NME8: variants seen among roughly 807,000 people sequenced by gnomAD.
NME8 encodes NME/NM23 family member 8.
In NME8, 72 loss-of-function variants were observed where a neutral mutation model predicts 82.3. That is an observed-to-expected ratio of 0.87 (90% CI 0.72 to 1.06). The LOEUF (loss-of-function observed/expected upper bound fraction) is 1.06, where lower values mean the gene tolerates loss of function less well. Ranked by LOEUF, NME8 falls within the 50% of genes least tolerant of loss-of-function variation. NME8 has a pLI of 0.00. For missense variants in NME8, 712 were observed against 685.4 expected, an observed-to-expected ratio of 1.04 and a Z score of -0.43; for synonymous variants, 267 against 228.5, an observed-to-expected ratio of 1.17 and a Z score of -1.52.
Position 37,863,412 on chromosome 7 carries a change from T to C in NME8, c.404T>C (p.Leu135Ser), listed in dbSNP as rs1162458243. 6.3e-7 allele frequency: 1 copy of C among 1,589,042 alleles called. No individual in the cohort carries two copies. The highest frequency in any genetic ancestry group is 1.3e-5 in the African/African-American group (1 of 74,484). Residue 135 changes from leucine (L) to serine (S), a missense_variant, in exon 8 of 18, where the codon TTA becomes TCA. Physicochemically the swap from Leu to Ser is moderately radical, Grantham distance 145 (BLOSUM62 -2). Transcript: ENST00000199447. ...MARPQYPEIP[L>S]VDSDSEVSEE... ...TTTTCATAGTATCCTGAAATTCCAT[T>C]AGTAGACTCAGATTCAGAAGTTAGT...
chr7:37,850,863 T>G, intron 5 of NME8, 128 bp downstream of exon 5: 1 of 688,494 alleles, frequency 1.5e-6, no homozygotes, highest in Non-Finnish European at 2.6e-6. Context: ...AGTCTTTACT[T>G]GGCAGTTTTA....
At position 37,850,735 on chromosome 7, in the gene NME8, C is replaced by T. The variant is rs748684004; in HGVS notation, c.198C>T (p.Val66=). ...AAGACGAAATTCTGCATTTTGCTGT[C>T]GTAAGAATTTTGTTTTCATTAAACC... ...LNEDEILHFA[V]AEADNIVTLQ... is the part of the protein sequence containing the mutation. The change falls in exon 5 of 18, where the codon GTC becomes GTT. Residue 66 remains valine, a splice_region_variant and synonymous_variant. Transcript: ENST00000199447. 1.7e-5 allele frequency: 27 copies of T among 1,604,066 alleles called. No individual in the cohort carries two copies. Among genetic ancestry groups the T allele is most frequent in the African/African-American group, 9.4e-5 (7 of 74,642 alleles).
chr7:37,878,874 T>G (rs1399018311), intron 12 of NME8, among the ~76,000 whole-genome samples: 6 of 152,158 alleles, frequency 3.9e-5, no homozygotes, highest in Non-Finnish European at 8.8e-5. Context: ...TAAAATATCA[T>G]TAACTAAAGT....
At chr7:37,876,138 G>T (rs1489673148) in intron 11 of NME8, among the ~76,000 whole-genome samples, 1 of 151,706 alleles carries the variant, frequency 6.6e-6, no homozygotes, top group South Asian at 2.1e-4. Flanking sequence ...AACTTGGGAG[G>T]CAGAGGTAGC....
At chr7:37,864,537 GCTAGGTACCT>G in intron 9 of NME8, 116 bp downstream of exon 9, 2 of 1,082,646 alleles carry the variant, frequency 1.8e-6, no homozygotes, top group South Asian at 1.5e-5. Context: ...CACTACTGGT[GCTAGGTACCT>G]CTAGAGGCTT....
intron 12 of NME8, among the ~76,000 whole-genome samples, chr7:37,879,767 G>C (rs2722340): frequency 0.47 from 71,074 of 151,952 alleles, 17,052 homozygotes; most frequent in East Asian, 0.74. Context: ...TTGTAAGAAA[G>C]TGCCAAAATG....
intron 5 of NME8, among the ~76,000 whole-genome samples, chr7:37,853,513 C>A (rs1784465785): frequency 6.6e-6 from 1 of 152,172 alleles, no homozygotes; most frequent in African/African-American, 2.4e-5. Flanking sequence ...TGTCTAACAG[C>A]TGACAGATGG....
intron 17 of NME8, among the ~76,000 whole-genome samples, chr7:37,899,922 A>G (rs1562845430): frequency 6.6e-6 from 1 of 151,960 alleles, no homozygotes; most frequent in Non-Finnish European, 1.5e-5. Flanking sequence ...CTGTCCTGGT[A>G]TTTTTCTCAC....
At chr7:37,885,387 T>G in intron 14 of NME8, 135 bp downstream of exon 14, 1 of 707,852 alleles carries the variant, frequency 1.4e-6, no homozygotes, top group Non-Finnish European at 2.6e-6. Flanking sequence ...GGGGACGGAG[T>G]GGACTGCTTA....
At position 37,857,263 on chromosome 7, in the gene NME8, A is replaced by T; in HGVS notation, c.199-11A>T. On this transcript the variant is annotated splice_polypyrimidine_tract_variant and intron_variant, in intron 5 of 17. Transcript: ENST00000199447. ...TTATTTATTATTATATGAAATGTTT[A>T]CTTTTTCCAGGCAGAAGCTGACAAC... The T allele has an allele frequency of 6.3e-7, 1 of 1,597,716 alleles. No individual in the cohort carries two copies. The highest frequency in any genetic ancestry group is 8.6e-7 in the Non-Finnish European group (1 of 1,166,448).
intron 11 of NME8, among the ~76,000 whole-genome samples, chr7:37,870,482 G>A (rs916273378): frequency 2.0e-5 from 3 of 151,226 alleles, no homozygotes. Flanking sequence ...CCAGCTACTT[G>A]GGAGACTGAG....
chr7:37,871,295 G>T (rs757577948), intron 11 of NME8, among the ~76,000 whole-genome samples: 1 of 152,186 alleles, frequency 6.6e-6, no homozygotes, highest in Non-Finnish European at 1.5e-5. Context: ...GCAGAAGGGT[G>T]GGGGAAGAGC....
chr7:37,864,261 A>G, intron 8 of NME8, 87 bp from the exon 9 acceptor site: 3 of 1,465,102 alleles, frequency 2.0e-6, no homozygotes, highest in Non-Finnish European at 1.9e-6. Context: ...ATCATTAGAA[A>G]TTTACATTGC....
intron 11 of NME8, among the ~76,000 whole-genome samples, chr7:37,876,137 G>A: frequency 6.6e-6 from 1 of 151,790 alleles, no homozygotes. Flanking sequence ...GAACTTGGGA[G>A]GCAGAGGTAG....
At chr7:37,885,386 G>A in intron 14 of NME8, 134 bp downstream of exon 14, 1 of 709,642 alleles carries the variant, frequency 1.4e-6, no homozygotes, top group Non-Finnish European at 2.6e-6. Flanking sequence ...TGGGGACGGA[G>A]TGGACTGCTT....
chr7:37,882,593 AAGAAAGAGAGAGAG>A (rs879592572), intron 12 of NME8, among the ~76,000 whole-genome samples: 2,594 of 51,836 alleles, frequency 0.05, 106 homozygotes, highest in Admixed American at 0.2. Flanking sequence ...GAAAGAAAGA[AAGAAAGAGAGAGAG>A]AGAGAGAGAA....
intron 11 of NME8, among the ~76,000 whole-genome samples, chr7:37,875,532 G>A (rs1487303810): frequency 2.0e-5 from 3 of 151,564 alleles, no homozygotes; most frequent in Admixed American, 6.6e-5. Context: ...GGTGTAAATG[G>A]GAGTTCTTTG....
rs5883616 is a variant in NME8 at position 37,883,986 on chromosome 7, C to CA, written c.995-317_995-316insA. Among the ~76,000 whole-genome samples the CA allele has an allele frequency of 0.28, 39,858 of 141,480 alleles. 5,781 individuals are homozygous for CA. The highest frequency in any genetic ancestry group is 0.35 in the Admixed American group (5,149 of 14,806). The allele number at this position is 141,480 out of a possible 152,430, so 92.8% of individuals were successfully genotyped here. A position where few individuals can be genotyped will look rare whatever the true frequency, so the allele number is the denominator to read the frequency against. The stretch of plus-strand genomic sequence containing the variant: ...CTACACACACACACACACACACACA[C>CA]CCACACAATCACTCACATTCACATG... On this transcript the variant is annotated intron_variant, in intron 12 of 17. Coordinates refer to ENST00000199447, the MANE Select transcript of NME8 (RefSeq NM_016616.5).
chr7:37,860,008 C>G (rs550924128), intron 6 of NME8, among the ~76,000 whole-genome samples: 8 of 152,142 alleles, frequency 5.3e-5, no homozygotes, highest in Non-Finnish European at 8.8e-5. Context: ...TAGCTGACAA[C>G]AGATTCATTC....
Sources: allele counts gnomAD v4.1 joint callset (sites outside exome capture counted in the v4.1 genomes callset), GRCh38; gene constraint gnomAD v4.1.1; transcripts MANE v1.5; gene names NCBI Gene and HGNC (gene_info 2026-07-23, HGNC 2026-07-21).